The following ADCY5 variants were observed in gnomAD, a reference collection of about 807,000 sequenced individuals.
ADCY5 encodes adenylate cyclase 5, also known as adenylate cyclase type 5.
In ADCY5, 30 loss-of-function variants were observed where a neutral mutation model predicts 119.7. That is an observed-to-expected ratio of 0.25 (90% CI 0.19 to 0.34). ADCY5 has a LOEUF of 0.34. ADCY5 is among the 10% of genes least tolerant of loss of function. The pLI is 1.00. For synonymous variants in ADCY5, 753 were observed against 762.2 expected (o/e 0.99, Z 0.20); for missense variants, 1,324 against 1,775.2 (o/e 0.75, Z 4.57).
rs1441880923 is a variant in ADCY5 at position 123,286,057 on chromosome 3, C to T, written c.3657+628G>A. Among the ~76,000 whole-genome samples, 1 of 152,146 alleles carries T rather than the reference C, an allele frequency of 6.6e-6. No homozygotes were observed. Among genetic ancestry groups the T allele is most frequent in the Admixed American group, 6.5e-5 (1 of 15,284 alleles). On this transcript the variant is annotated intron_variant, in intron 20 of 20. Transcript: ENST00000462833. This position sits in a 1 kb window ranked among gnomAD's most constrained non-coding sequence, Gnocchi z 4.2. Reference sequence around the variant, plus strand: ...CTCACAGAGAACTGGGGGTGAGGGCCGTGCAGGAGGACTACTGCCCAGGGC... The same window carrying T: ...CTCACAGAGAACTGGGGGTGAGGGCTGTGCAGGAGGACTACTGCCCAGGGC...
intron 1 of ADCY5, among the ~76,000 whole-genome samples, chr3:123,412,854 T>C (rs1945089210): frequency 6.6e-6 from 1 of 150,852 alleles, no homozygotes; most frequent in South Asian, 2.1e-4. Context: ...TGTGCTTCGT[T>C]CAATGACTGC....
intron 1 of ADCY5, among the ~76,000 whole-genome samples, chr3:123,405,281 G>A (rs1045050610): frequency 3.9e-5 from 6 of 152,210 alleles, no homozygotes; most frequent in African/African-American, 7.2e-5. Flanking sequence ...CTTGCCCCGC[G>A]GACTCCCTTG....
At chr3:123,413,932 C>A (rs1361360302) in intron 1 of ADCY5, among the ~76,000 whole-genome samples, 2 of 152,142 alleles carry the variant, frequency 1.3e-5, no homozygotes, top group Non-Finnish European at 2.9e-5. Context: ...ACTGTGTGAT[C>A]CTGTGTGTTC....
chr3:123,303,205 G>C lies in ADCY5; in HGVS notation c.2574C>G (p.Ser858=), dbSNP rs745801774. 1 of 1,613,218 alleles carries C rather than the reference G, an allele frequency of 6.2e-7. No individual in the cohort carries two copies. The highest frequency in any genetic ancestry group is 2.2e-5 in the East Asian group (1 of 44,856). The change falls in exon 14 of 21, where the codon TCC becomes TCG. Residue 858 remains serine, a synonymous_variant. Coordinates refer to ENST00000462833, the MANE Select transcript of ADCY5 (RefSeq NM_183357.3). ...GTGCCAAGCAGCCCAGCAGGTCCCT[G>C]GAGTTGCACGTGAACTGGGGGGAGG... ...AAFVNMFTCN[S]RDLLGCLAQE... is the part of the protein sequence containing the mutation.
At chr3:123,373,708 A>C in intron 1 of ADCY5, among the ~76,000 whole-genome samples, 1 of 141,304 alleles carries the variant, frequency 7.1e-6, no homozygotes. Flanking sequence ...GGCTTTCATC[A>C]CCGACACTTG....
rs1941113593 is a variant in ADCY5 at position 123,319,725 on chromosome 3, C to A, written c.2205G>T (p.Glu735Asp). 6.2e-7 allele frequency: 1 copy of A among 1,614,152 alleles called. No individual in the cohort carries two copies. Among genetic ancestry groups the A allele is most frequent in the Non-Finnish European group, 8.5e-7 (1 of 1,180,048 alleles). ...AGGTCAGGAGGAACTTGCGGACGTGCTCAGACCGAAGCCTATCAATGCTCC... is the reference window on the plus strand; with the variant it reads ...AGGTCAGGAGGAACTTGCGGACGTGATCAGACCGAAGCCTATCAATGCTCC... ...DARSIDRLRSEHVRKFLLTFR... is the reference protein window; with the variant it reads ...DARSIDRLRSDHVRKFLLTFR... The change falls in exon 10 of 21, where the codon GAG (glutamate) becomes GAT (aspartate). Residue 735 changes from glutamate to aspartate, a missense_variant. Coordinates refer to ENST00000462833, the MANE Select transcript of ADCY5 (RefSeq NM_183357.3).
chr3:123,297,821 T>C lies in ADCY5; in HGVS notation c.2901-439A>G, dbSNP rs544991681. On this transcript the variant is annotated intron_variant, in intron 15 of 20. Transcript: ENST00000462833. Reference sequence around the variant, plus strand: ...TAAAATGTGCTGTATGTGTAAAACATACACCAGGTTTTGAATAATTAGTGT... The same window carrying C: ...TAAAATGTGCTGTATGTGTAAAACACACACCAGGTTTTGAATAATTAGTGT... Among the ~76,000 whole-genome samples the C allele has an allele frequency of 9.8e-5, 15 of 152,328 alleles. No homozygotes were observed. The East Asian group carries it at 2.5e-3, about 25-fold the overall frequency.
In ADCY5 at chr3:123,447,921, A is replaced by C. The variant is rs1383549531; in HGVS notation, c.625T>G (p.Cys209Gly). 1 of 1,606,980 alleles carries C rather than the reference A, an allele frequency of 6.2e-7. No homozygotes were observed. The highest frequency in any genetic ancestry group is 1.1e-5 in the South Asian group (1 of 90,452). Residue 209 changes from cysteine (C) to glycine (G), a missense_variant, in exon 1 of 21, where the codon TGC becomes GGC. Around this residue, in one of 6 missense-constraint regions of ADCY5, gnomAD observed 585 missense variants for 569.9 expected, o/e 1.03. Coordinates refer to ENST00000462833, the MANE Select transcript of ADCY5 (RefSeq NM_183357.3). ...CGGAATATCTGCAGCAACGCCAGGCAGCAGGCGCCCAGGGACAGCACCGCG... is the reference window on the plus strand; with the variant it reads ...CGGAATATCTGCAGCAACGCCAGGCCGCAGGCGCCCAGGGACAGCACCGCG... ...PGAVLSLGAC[C>G]LALLQIFRSK...
intron 1 of ADCY5, among the ~76,000 whole-genome samples, chr3:123,383,771 A>C (rs749618195): frequency 6.6e-6 from 1 of 152,064 alleles, no homozygotes; most frequent in Non-Finnish European, 1.5e-5. Context: ...ACATCCACAC[A>C]TGCAGGCAGG....
At chr3:123,363,817 G>A (rs1286339065) in intron 1 of ADCY5, among the ~76,000 whole-genome samples, 2 of 152,306 alleles carry the variant, frequency 1.3e-5, no homozygotes, top group East Asian at 3.9e-4. Context: ...GCTGAGGTGG[G>A]AAGATCACTT....
chr3:123,409,283 G>A (rs1184521755), intron 1 of ADCY5, among the ~76,000 whole-genome samples: 2 of 152,172 alleles, frequency 1.3e-5, no homozygotes, highest in Non-Finnish European at 2.9e-5. Context: ...GCTAGGGGCT[G>A]TGCTAGGTGC....
intron 1 of ADCY5, among the ~76,000 whole-genome samples, chr3:123,383,062 C>T (rs1164063553): frequency 6.6e-6 from 1 of 152,058 alleles, no homozygotes; most frequent in Non-Finnish European, 1.5e-5. Context: ...CCCATGGCCA[C>T]CCCAGGGCCC....
intron 3 of ADCY5, among the ~76,000 whole-genome samples, chr3:123,346,845 G>A (rs546888676): frequency 1.7e-3 from 266 of 152,270 alleles, no homozygotes; most frequent in Non-Finnish European, 3.1e-3. Flanking sequence ...GCATATGGGA[G>A]GATTATCAGG....
intron 1 of ADCY5, among the ~76,000 whole-genome samples, chr3:123,418,212 C>CA (rs1475618079): frequency 6.6e-6 from 1 of 152,196 alleles, no homozygotes; most frequent in African/African-American, 2.4e-5. Context: ...GCTAATTTTA[C>CA]ATGTGAACTT....
intron 1 of ADCY5, among the ~76,000 whole-genome samples, chr3:123,367,244 C>G (rs1274212339): frequency 6.6e-6 from 1 of 152,192 alleles, no homozygotes; most frequent in South Asian, 2.1e-4. Flanking sequence ...CAGAGAAAGG[C>G]AGACACATTC....
At chr3:123,358,155 C>CGTGTGTGT (rs6148049) in intron 1 of ADCY5, among the ~76,000 whole-genome samples, 24,769 of 140,476 alleles carry the variant, frequency 0.18, 2,513 homozygotes, top group East Asian at 0.32. Context: ...ACATGGAACA[C>CGTGTGTGT]GTGTGTGTGT....
chr3:123,300,399 T>A, intron 14 of ADCY5, 104 bp from the exon 15 acceptor site: 1 of 1,297,388 alleles, frequency 7.7e-7, no homozygotes, highest in African/African-American at 1.5e-5. Flanking sequence ...AGGCCTGGGC[T>A]GGGCATGTTT....
rs935430898 is a variant in ADCY5 at position 123,322,039 on chromosome 3, G to A, written c.2089-1268C>T. Among the ~76,000 whole-genome samples, 4 of 152,188 alleles carry A rather than the reference G, an allele frequency of 2.6e-5. No individual in the cohort carries two copies. The South Asian group carries it at 6.2e-4, about 24-fold the overall frequency. ...CCTCCAGGCTGTAAAGTGGTCCCAC[G>A]TCACCATCCCAGCCCTGGGCTGGAG... On this transcript the variant is annotated intron_variant, in intron 8 of 20. Coordinates refer to ENST00000462833, the MANE Select transcript of ADCY5 (RefSeq NM_183357.3).
At position 123,447,500 on chromosome 3, in the gene ADCY5, G is replaced by A. The variant is rs1945841501; in HGVS notation, c.1046C>T (p.Ala349Val). The A allele has an allele frequency of 6.2e-7, 1 of 1,611,648 alleles. No individual in the cohort carries two copies. Among genetic ancestry groups the A allele is most frequent in the Non-Finnish European group, 8.5e-7 (1 of 1,179,562 alleles). ...CAGGAGCACCCCGCTGAGCACTGCG[G>A]CCCGCATGCGCACGGGCAGCAGCGT... ...IYTLLPVRMRAAVLSGVLLSA... is the reference protein window; with the variant it reads ...IYTLLPVRMRVAVLSGVLLSA... The change falls in exon 1 of 21, where the codon GCC becomes GTC. Residue 349 changes from alanine (A) to valine (V), a missense_variant. By Grantham distance (64) the Ala-to-Val change is moderately conservative (BLOSUM62 0). Transcript: ENST00000462833.
Sources: gnomAD v4.1 joint callset for allele counts (sites outside exome capture counted in the v4.1 genomes callset) on GRCh38, gnomAD v4.1.1 for gene constraint, gnomAD v4.1.1 regional missense constraint, Gnocchi (gnomAD v3.1) non-coding constraint, MANE v1.5 for transcripts, NCBI Gene and HGNC (gene_info 2026-07-23, HGNC 2026-07-21) for gene names.